The following PDE1A variants were observed in gnomAD, a reference collection of about 807,000 sequenced individuals.
PDE1A encodes the protein phosphodiesterase 1A, also known as dual specificity calcium/calmodulin-dependent 3',5'-cyclic nucleotide phosphodiesterase 1A.
Under a neutral mutation model 61.7 loss-of-function variants are expected in PDE1A, and 35 were observed. The ratio of observed to expected loss-of-function variants is 0.57; its 90% CI spans 0.43 to 0.75. PDE1A has a LOEUF of 0.75. PDE1A is among the 30% of genes least tolerant of loss of function. The pLI is 0.00. For missense variants in PDE1A, 597 were observed against 630.6 expected (o/e 0.95, Z 0.57); for synonymous variants, 232 against 213.2 (o/e 1.09, Z -0.77).
the PDE1A span, among the ~76,000 whole-genome samples, chr2:182,674,320 T>C: frequency 1.3e-5 from 2 of 152,104 alleles, no homozygotes; most frequent in Non-Finnish European, 2.9e-5. Context: ...TAGTGCCTTC[T>C]GTTAGGTACC....
chr2:182,515,961 T>C (rs887051575), intron 2 of PDE1A, among the ~76,000 whole-genome samples: 41 of 33,560 alleles, frequency 1.2e-3, no homozygotes, highest in Admixed American at 7.9e-4. Flanking sequence ...TTTCTGTGTG[T>C]GTGTGTGTGT....
At chr2:182,524,174 A>C (rs1250957283), upstream of PDE1A, among the ~76,000 whole-genome samples, 1 of 152,206 alleles carries the variant, frequency 6.6e-6, no homozygotes, top group African/African-American at 2.4e-5. Flanking sequence ...AATCTTAGCT[A>C]TATTCATGTA....
chr2:182,530,256 T>C, the PDE1A span, among the ~76,000 whole-genome samples: 1 of 152,142 alleles, frequency 6.6e-6, no homozygotes, highest in Non-Finnish European at 1.5e-5. Flanking sequence ...GAATAAACTG[T>C]ATAGTTGCCC....
At chr2:182,600,220 G>A in the PDE1A span, among the ~76,000 whole-genome samples, 1 of 151,954 alleles carries the variant, frequency 6.6e-6, no homozygotes, top group Non-Finnish European at 1.5e-5. Context: ...CATCATCAAC[G>A]CATTTCTCTT....
the PDE1A span, among the ~76,000 whole-genome samples, chr2:182,633,961 C>T: frequency 3.0e-4 from 45 of 152,100 alleles, no homozygotes; most frequent in East Asian, 6.0e-3. Context: ...TGGTGGTGTG[C>T]GCCTGTAGTC....
chr2:182,606,712 CTAACTT>C, the PDE1A span, among the ~76,000 whole-genome samples: 1 of 152,126 alleles, frequency 6.6e-6, no homozygotes, highest in South Asian at 2.1e-4. Context: ...AATTGTATAT[CTAACTT>C]TTCAGAGTGA....
intron 1 of PDE1A, among the ~76,000 whole-genome samples, chr2:182,385,030 TA>T (rs1700948299): frequency 6.6e-6 from 1 of 152,124 alleles, no homozygotes; most frequent in African/African-American, 2.4e-5. Flanking sequence ...TTCAAAATCC[TA>T]AAGGGACAAA....
the PDE1A span, among the ~76,000 whole-genome samples, chr2:182,657,785 C>T: frequency 6.6e-6 from 1 of 152,052 alleles, no homozygotes; most frequent in African/African-American, 2.4e-5. Flanking sequence ...ATGTGGGAAG[C>T]CCCAGGTGGC....
chr2:182,411,800 C>G (rs1336359862), intron 1 of PDE1A, among the ~76,000 whole-genome samples: 1 of 152,094 alleles, frequency 6.6e-6, no homozygotes, highest in East Asian at 1.9e-4. Context: ...CAACAACACG[C>G]CTGTAATCCC....
intron 2 of PDE1A, among the ~76,000 whole-genome samples, chr2:182,479,079 G>C (rs986829030): frequency 5.9e-5 from 9 of 151,800 alleles, no homozygotes; most frequent in African/African-American, 2.2e-4. Flanking sequence ...GAGGAAAAAG[G>C]ATAAAAGCCT....
intron 2 of PDE1A, among the ~76,000 whole-genome samples, chr2:182,256,038 C>CTTTTTTTTTTTTTTTTTTTTTTTT (rs755211798): frequency 1.4e-4 from 13 of 92,320 alleles, no homozygotes; most frequent in African/African-American, 2.1e-4. Flanking sequence ...AGGATGACTT[C>CTTTTTTTTTTTTTTTTTTTTTTTT]TTTTTTTTTT....
chr2:182,664,695 G>A, the PDE1A span, among the ~76,000 whole-genome samples: 6 of 152,130 alleles, frequency 3.9e-5, no homozygotes, highest in Non-Finnish European at 8.8e-5. Flanking sequence ...TAAATAACCA[G>A]GTGTCTGGCA....
chr2:182,386,828 C>T (rs190720512), intron 1 of PDE1A, among the ~76,000 whole-genome samples: 5,233 of 150,368 alleles, frequency 0.035, 139 homozygotes, highest in Admixed American at 0.077. Flanking sequence ...GGCCGCCGCC[C>T]CGTCTGGGAG....
At chr2:182,515,842 G>T (rs1334531784) in intron 2 of PDE1A, among the ~76,000 whole-genome samples, 1 of 152,116 alleles carries the variant, frequency 6.6e-6, no homozygotes, top group Non-Finnish European at 1.5e-5. Context: ...GCAAGTCAGG[G>T]TTAGATGGAG....
At chr2:182,670,889 C>T in the PDE1A span, among the ~76,000 whole-genome samples, 4 of 151,578 alleles carry the variant, frequency 2.6e-5, no homozygotes, top group Non-Finnish European at 4.4e-5. Flanking sequence ...GTGATCTCGG[C>T]TCACTGCAAC....
chr2:182,359,169 A>G (rs1361420914), intron 1 of PDE1A, among the ~76,000 whole-genome samples: 1 of 152,180 alleles, frequency 6.6e-6, no homozygotes, highest in Non-Finnish European at 1.5e-5. Flanking sequence ...AAACTCTTTA[A>G]AAGTTTAATA....
intron 2 of PDE1A, among the ~76,000 whole-genome samples, chr2:182,448,412 T>C (rs543948389): frequency 6.6e-6 from 1 of 152,080 alleles, no homozygotes; most frequent in African/African-American, 2.4e-5. Flanking sequence ...TTTTAACTTA[T>C]GTTTCCCTTG....
the PDE1A span, among the ~76,000 whole-genome samples, chr2:182,675,764 A>C: frequency 6.6e-6 from 1 of 152,100 alleles, no homozygotes; most frequent in African/African-American, 2.4e-5. Flanking sequence ...TCTTCTGAGA[A>C]GTGTCTGTTC....
chr2:182,288,880 A>G (rs1694340298), intron 1 of PDE1A, among the ~76,000 whole-genome samples: 1 of 152,114 alleles, frequency 6.6e-6, no homozygotes, highest in Non-Finnish European at 1.5e-5. Flanking sequence ...AGAACTTCAG[A>G]TTTTGAAAGA....
Sources: allele counts gnomAD v4.1 joint callset (sites outside exome capture counted in the v4.1 genomes callset), GRCh38; gene constraint gnomAD v4.1.1; transcripts MANE v1.5; gene names NCBI Gene and HGNC (gene_info 2026-07-23, HGNC 2026-07-21).